ANXA7: variants seen among roughly 807,000 people sequenced by gnomAD.
ANXA7 encodes the protein annexin A7.
A neutral mutation model predicts 64.9 loss-of-function variants in ANXA7; 55 were observed. The observed-to-expected ratio is 0.85, with a 90% CI of 0.68 to 1.06. The LOEUF (loss-of-function observed/expected upper bound fraction) is 1.06. ANXA7 is among the 50% of genes least tolerant of loss of function. ANXA7 has a pLI of 0.00. For synonymous variants in ANXA7, 200 were observed against 192.4 expected, an observed-to-expected ratio of 1.04 and a Z score of -0.33; for missense variants, 548 against 582.1, an observed-to-expected ratio of 0.94 and a Z score of 0.60.
chr10:73,401,267 C>CACA (rs759976342), intron 1 of ANXA7, among the ~76,000 whole-genome samples: 10,758 of 147,580 alleles, frequency 0.073, 590 homozygotes, highest in East Asian at 0.29. Flanking sequence ...ATACACAACA[C>CACA]ACACACACAC....
chr10:73,412,422 A>T (rs1479162952), intron 1 of ANXA7, among the ~76,000 whole-genome samples: 1 of 152,156 alleles, frequency 6.6e-6, no homozygotes, highest in Non-Finnish European at 1.5e-5. Flanking sequence ...TTTTTGTAAA[A>T]AGCTAAATAA....
At chr10:73,396,197 C>A in intron 5 of ANXA7, 1 of 863,368 alleles carries the variant, frequency 1.2e-6, no homozygotes, top group Non-Finnish European at 1.9e-6. Flanking sequence ...AATCACCCAG[C>A]CACCCAAATT....
chr10:73,395,864 C>A, intron 5 of ANXA7: 1 of 692,104 alleles, frequency 1.4e-6, no homozygotes, highest in Non-Finnish European at 2.7e-6. Flanking sequence ...ATGAGAAAAT[C>A]CAGTCAACAG....
intron 6 of ANXA7, 84 bp downstream of exon 6, chr10:73,388,228 T>A (rs1018443588): frequency 1.1e-5 from 11 of 971,670 alleles, no homozygotes; most frequent in African/African-American, 3.3e-5. Context: ...ACACATAAAC[T>A]TGGGTTTATG....
chr10:73,395,902 T>A (rs749284661), intron 5 of ANXA7: 1 of 715,560 alleles, frequency 1.4e-6, no homozygotes, highest in East Asian at 2.6e-5. Flanking sequence ...TCTAAAGCCC[T>A]ACCTATTATT....
In ANXA7 at chr10:73,398,373, C is replaced by A. The variant is rs928180441; in HGVS notation, c.67G>T (p.Glu23Ter). The change falls in exon 3 of 13, where the codon GAG becomes TAG. Residue 23 changes from glutamate (E) to a stop codon, truncating the protein, a stop_gained. Coordinates refer to ENST00000372921, the MANE Select transcript of ANXA7 (RefSeq NM_001156.5). LOFTEE classifies it high-confidence loss of function. ...PFPGYPPAGQ[E>*]SSFPPSGQYP... ...TGACCAGAAGGGGGAAAAGATGACTCCTGACCTGCAGGCTGAAAAATCAGA... is the reference window on the plus strand; with the variant it reads ...TGACCAGAAGGGGGAAAAGATGACTACTGACCTGCAGGCTGAAAAATCAGA... The A allele has an allele frequency of 1.9e-6, 3 of 1,612,262 alleles. No homozygotes were observed. In the Admixed American group the frequency reaches 5.0e-5, roughly 27 times the overall value.
chr10:73,379,557 T>C (rs1013569287), intron 11 of ANXA7, among the ~76,000 whole-genome samples: 1 of 152,174 alleles, frequency 6.6e-6, no homozygotes, highest in Non-Finnish European at 1.5e-5. Flanking sequence ...CCCTTTCTCT[T>C]TAAAGGAAGT....
chr10:73,405,042 G>T (rs1297014640), intron 1 of ANXA7, among the ~76,000 whole-genome samples: 6 of 151,892 alleles, frequency 4.0e-5, no homozygotes, highest in Non-Finnish European at 5.9e-5. Flanking sequence ...AGGACATTGA[G>T]GCCATCCACG....
intron 3 of ANXA7, 151 bp from the exon 4 acceptor site, chr10:73,397,425 TC>T (rs2055593961): frequency 2.4e-6 from 1 of 418,740 alleles, no homozygotes; most frequent in African/African-American, 2.1e-5. Context: ...CTTCAAATTC[TC>T]CAGTAAAAAA....
intron 7 of ANXA7, among the ~76,000 whole-genome samples, chr10:73,387,344 G>A (rs2055391528): frequency 6.6e-6 from 1 of 151,988 alleles, no homozygotes; most frequent in Non-Finnish European, 1.5e-5. Context: ...GTGAAACTCT[G>A]TCTCTACTAA....
At chr10:73,377,466 A>G in intron 12 of ANXA7, 1 of 146,514 alleles carries the variant, frequency 6.8e-6, no homozygotes, top group East Asian at 2.2e-4. Flanking sequence ...GCTACTCAGG[A>G]GGCTGAGGCA....
chr10:73,407,840 AATCAAG>A (rs2055782568), intron 1 of ANXA7, among the ~76,000 whole-genome samples: 1 of 152,240 alleles, frequency 6.6e-6, no homozygotes, highest in Non-Finnish European at 1.5e-5. Flanking sequence ...ACATAGATTG[AATCAAG>A]GCTATAAGTC....
intron 5 of ANXA7, among the ~76,000 whole-genome samples, chr10:73,390,023 C>T (rs900656731): frequency 6.6e-6 from 1 of 152,190 alleles, no homozygotes; most frequent in African/African-American, 2.4e-5. Flanking sequence ...TGTAACAACA[C>T]ATTTCTTGTA....
At chr10:73,387,081 G>A (rs567242091) in intron 7 of ANXA7, among the ~76,000 whole-genome samples, 10 of 152,320 alleles carry the variant, frequency 6.6e-5, no homozygotes, top group African/African-American at 2.4e-4. Flanking sequence ...GAATCCCACT[G>A]TAACAGGCAG....
At chr10:73,403,767 C>G (rs778845424) in intron 1 of ANXA7, among the ~76,000 whole-genome samples, 38 of 152,228 alleles carry the variant, frequency 2.5e-4, no homozygotes, top group Non-Finnish European at 4.3e-4. Flanking sequence ...TTTTCACCAG[C>G]ACTGCCAACA....
At chr10:73,388,789 T>A (rs998496464) in intron 5 of ANXA7, among the ~76,000 whole-genome samples, 4 of 152,154 alleles carry the variant, frequency 2.6e-5, no homozygotes, top group African/African-American at 4.8e-5. Flanking sequence ...CAGAAGAATA[T>A]AAAATGGCTT....
chr10:73,412,747 C>T (rs924747637), intron 1 of ANXA7, among the ~76,000 whole-genome samples: 7 of 150,708 alleles, frequency 4.6e-5, no homozygotes, highest in African/African-American at 1.7e-4. Context: ...TCTCTCGCCT[C>T]GGCCTCCCAA....
chr10:73,396,097 A>T, intron 5 of ANXA7: 1 of 1,593,614 alleles, frequency 6.3e-7, no homozygotes. Context: ...GAAGAAAAAG[A>T]ATCTGTATTG....
chr10:73,412,905 G>A (rs2055867677), intron 1 of ANXA7, among the ~76,000 whole-genome samples: 1 of 151,574 alleles, frequency 6.6e-6, no homozygotes, highest in African/African-American at 2.4e-5. Context: ...GTTAGTAAAA[G>A]GGCTGGGTCT....
Sources: gnomAD v4.1 joint callset for allele counts (sites outside exome capture counted in the v4.1 genomes callset) on GRCh38, gnomAD v4.1.1 for gene constraint, MANE v1.5 for transcripts, NCBI Gene and HGNC (gene_info 2026-07-23, HGNC 2026-07-21) for gene names.